AGBL4: variants seen among roughly 807,000 people sequenced by gnomAD.
AGBL4 encodes cytosolic carboxypeptidase 6.
In AGBL4, 58 loss-of-function variants were observed where a neutral mutation model predicts 66.4. The observed-to-expected ratio is 0.87, with a 90% CI of 0.71 to 1.09. The LOEUF (loss-of-function observed/expected upper bound fraction) is 1.09. Among genes scored for constraint, AGBL4 ranks in the 50% least tolerant of loss-of-function variants. The pLI, the probability that AGBL4 is intolerant of heterozygous loss-of-function variation, is 0.00. For synonymous variants in AGBL4, 234 were observed against 222.9 expected (o/e 1.05, Z -0.44); for missense variants, 579 against 631.0 (o/e 0.92, Z 0.88).
At position 48,673,929 on chromosome 1, in the gene AGBL4, T is replaced by A. The variant is rs370717034; in HGVS notation, c.635-10688A>T. On this transcript the variant is annotated intron_variant, in intron 6 of 13. Coordinates refer to ENST00000371839, the MANE Select transcript of AGBL4 (RefSeq NM_032785.4). The stretch of plus-strand genomic sequence containing the variant: ...TGTCTGAACAACCACAGAAGCCTCC[T>A]GCTGCTTCCTTCCTCCCCTGTAGCC... 1.4e-3 allele frequency among the ~76,000 whole-genome samples: 218 copies of A among 152,354 alleles called. 2 individuals carry two copies. In the South Asian group the frequency reaches 0.041, roughly 29 times the overall value.
At chr1:49,211,458 G>A (rs1648662853) in intron 4 of AGBL4, among the ~76,000 whole-genome samples, 1 of 151,960 alleles carries the variant, frequency 6.6e-6, no homozygotes, top group African/African-American at 2.4e-5. Context: ...TGTAAAATAG[G>A]GATAACAATC....
chr1:49,296,395 T>C (rs1644643858), intron 3 of AGBL4, among the ~76,000 whole-genome samples: 1 of 152,160 alleles, frequency 6.6e-6, no homozygotes. Flanking sequence ...TCCTTGTCCC[T>C]CTACCCCAAA....
At chr1:49,814,666 T>A (rs1350081262) in intron 2 of AGBL4, among the ~76,000 whole-genome samples, 2 of 152,126 alleles carry the variant, frequency 1.3e-5, no homozygotes, top group African/African-American at 4.8e-5. Context: ...TCTTTTCCTG[T>A]TCCTCCCATC....
chr1:50,017,811 A>G (rs1298060185), intron 1 of AGBL4, among the ~76,000 whole-genome samples: 1 of 152,180 alleles, frequency 6.6e-6, no homozygotes, highest in Non-Finnish European at 1.5e-5. Flanking sequence ...TGATGAAATA[A>G]CCTGTACACC....
chr1:48,641,440 G>A (rs1645753642), intron 8 of AGBL4, among the ~76,000 whole-genome samples: 1 of 152,076 alleles, frequency 6.6e-6, no homozygotes, highest in African/African-American at 2.4e-5. Context: ...TCCCTTCTTA[G>A]ATCATCATGA....
intron 2 of AGBL4, among the ~76,000 whole-genome samples, chr1:49,831,949 G>A (rs1571666107): frequency 6.6e-6 from 1 of 151,748 alleles, no homozygotes; most frequent in East Asian, 1.9e-4. Flanking sequence ...TGCATCTCAG[G>A]GATGAAGCTG....
At chr1:49,760,550 G>A (rs574674402) in intron 2 of AGBL4, among the ~76,000 whole-genome samples, 1 of 152,218 alleles carries the variant, frequency 6.6e-6, no homozygotes, top group South Asian at 2.1e-4. Flanking sequence ...TGGAGAAATA[G>A]GAACACTCTT....
intron 3 of AGBL4, among the ~76,000 whole-genome samples, chr1:49,367,376 C>T (rs1209894882): frequency 3.3e-5 from 5 of 152,170 alleles, no homozygotes; most frequent in Non-Finnish European, 7.3e-5. Context: ...CTCTCTTGCT[C>T]CCTCTCTCTT....
chr1:48,893,862 T>C (rs979016541), intron 5 of AGBL4, among the ~76,000 whole-genome samples: 1 of 152,050 alleles, frequency 6.6e-6, no homozygotes, highest in Non-Finnish European at 1.5e-5. Flanking sequence ...CCTCTAGTAC[T>C]ATAAGAAAAA....
intron 3 of AGBL4, among the ~76,000 whole-genome samples, chr1:49,271,524 A>G (rs1644058235): frequency 1.4e-5 from 2 of 146,190 alleles, no homozygotes; most frequent in South Asian, 2.1e-4. Context: ...TAGCACACAC[A>G]CACACACACA....
intron 2 of AGBL4, among the ~76,000 whole-genome samples, chr1:49,721,850 G>A (rs903714967): frequency 1.3e-5 from 2 of 152,004 alleles, no homozygotes; most frequent in African/African-American, 4.8e-5. Context: ...GGCTTTCATA[G>A]GAAAGAAGGG....
At chr1:49,786,612 A>T (rs1188848090) in intron 2 of AGBL4, among the ~76,000 whole-genome samples, 1 of 152,164 alleles carries the variant, frequency 6.6e-6, no homozygotes, top group Non-Finnish European at 1.5e-5. Flanking sequence ...TCATCTCCAG[A>T]CAAAGTTTTT....
chr1:49,367,366 C>T (rs1213000188), intron 3 of AGBL4, among the ~76,000 whole-genome samples: 1 of 152,210 alleles, frequency 6.6e-6, no homozygotes, highest in African/African-American at 2.4e-5. Context: ...TTCCTCCCCT[C>T]TCTCTTGCTC....
chr1:48,677,070 C>T (rs1015026436), intron 6 of AGBL4, among the ~76,000 whole-genome samples: 2 of 152,170 alleles, frequency 1.3e-5, no homozygotes, highest in Admixed American at 1.3e-4. Context: ...AACACTTAAG[C>T]TCAAGAGGAT....
At chr1:49,845,717 A>C in intron 2 of AGBL4, 2 of 1,594,638 alleles carry the variant, frequency 1.3e-6, no homozygotes, top group Non-Finnish European at 1.7e-6. Context: ...CTGACTGAGC[A>C]TCAGAGGATT....
intron 6 of AGBL4, among the ~76,000 whole-genome samples, chr1:48,851,230 C>T (rs1428875110): frequency 2.6e-5 from 4 of 152,190 alleles, no homozygotes; most frequent in Non-Finnish European, 4.4e-5. Context: ...AACTAAATAG[C>T]CCAAAGCAAC....
chr1:49,576,338 T>C lies in AGBL4; in HGVS notation c.282+120975A>G, dbSNP rs571597377. On this transcript the variant is annotated intron_variant, in intron 3 of 13. Transcript: ENST00000371839. ...GCAAGCTGCTCTGCCACTTGGGCCA[T>C]ATGACCCAGCAGATCCAATGGTGCT... 2.6e-5 allele frequency among the ~76,000 whole-genome samples: 4 copies of C among 152,330 alleles called. No homozygotes were observed. In the East Asian group the frequency reaches 5.8e-4, roughly 22 times the overall value.
rs182096461 is a variant in AGBL4 at position 48,751,367 on chromosome 1, G to C, written c.635-88126C>G. ...GGCCTAATCAGGAGGCAGGCAAAAG[G>C]GATGGTGCCACAGAAGCACATGGCT... is the stretch of plus-strand genomic sequence containing the variant. On this transcript the variant is annotated intron_variant, in intron 6 of 13. Transcript: ENST00000371839. Among the ~76,000 whole-genome samples the C allele has an allele frequency of 2.6e-5, 4 of 152,272 alleles. No individual in the cohort carries two copies. In the East Asian group the frequency reaches 7.7e-4, roughly 29 times the overall value.
rs180986572 is a variant in AGBL4, at chr1:48,566,163, C to A, written c.1267+20841G>T. ...CTTTCCATGATCTGACCCCATATAA[C>A]TTTTTCAACTTTAGTTCCTAAGCCT... is the stretch of plus-strand genomic sequence containing the variant. On this transcript the variant is annotated intron_variant, in intron 11 of 13. Transcript: ENST00000371839. Among the ~76,000 whole-genome samples the A allele has an allele frequency of 2.6e-5, 4 of 152,234 alleles. No individual in the cohort carries two copies. In the East Asian group the frequency reaches 7.7e-4, roughly 29 times the overall value.
Sources: allele counts gnomAD v4.1 joint callset (sites outside exome capture counted in the v4.1 genomes callset), GRCh38; gene constraint gnomAD v4.1.1; transcripts MANE v1.5; gene names NCBI Gene and HGNC (gene_info 2026-07-23, HGNC 2026-07-21).